Variants in C6 observed in about 807,000 individuals in gnomAD.
C6 encodes complement C6, also known as complement component C6.
In C6, 101 loss-of-function variants were observed where a neutral mutation model predicts 112.9. The observed-to-expected ratio is 0.89, with a 90% CI of 0.76 to 1.06. The LOEUF (loss-of-function observed/expected upper bound fraction) is 1.06, where lower values mean the gene tolerates loss of function less well. C6 is among the 50% of genes least tolerant of loss of function. The probability of loss-of-function intolerance (pLI) is 0.00; values close to 1 mark genes in which losing one functional copy is unlikely to be tolerated. For missense variants in C6, 1,202 were observed against 1,104.6 expected, an observed-to-expected ratio of 1.09 and a Z score of -1.25; for synonymous variants, 431 against 384.1, an observed-to-expected ratio of 1.12 and a Z score of -1.43.
chr5:41,185,668 TA>T (rs563705340), intron 6 of C6, among the ~76,000 whole-genome samples: 34 of 151,412 alleles, frequency 2.2e-4, no homozygotes, highest in Non-Finnish European at 4.3e-4. Flanking sequence ...CCTGGCACTT[TA>T]AAAAAAAAGT....
chr5:41,228,589 T>C (rs1224907803), intron 1 of C6, among the ~76,000 whole-genome samples: 1 of 152,184 alleles, frequency 6.6e-6, no homozygotes, highest in Non-Finnish European at 1.5e-5. Flanking sequence ...TAGCTGTGGG[T>C]TTGTCACATA....
At chr5:41,227,801 G>T (rs1164397031) in intron 1 of C6, among the ~76,000 whole-genome samples, 1 of 152,022 alleles carries the variant, frequency 6.6e-6, no homozygotes, top group Non-Finnish European at 1.5e-5. Context: ...TTATTTCTAG[G>T]TTCTCTATTT....
At chr5:41,243,418 A>G (rs908762594) in intron 1 of C6, among the ~76,000 whole-genome samples, 6 of 152,178 alleles carry the variant, frequency 3.9e-5, no homozygotes, top group Non-Finnish European at 7.4e-5. Flanking sequence ...GTGATTTGTT[A>G]TGTTAAAAAA....
chr5:41,151,939 G>A (rs190809392), intron 15 of C6, among the ~76,000 whole-genome samples: 13 of 152,010 alleles, frequency 8.6e-5, no homozygotes, highest in African/African-American at 3.1e-4. Flanking sequence ...AGAATCAGTG[G>A]AGAAATGCAG....
chr5:41,175,014 A>G (rs965300473), intron 8 of C6, among the ~76,000 whole-genome samples: 1 of 152,204 alleles, frequency 6.6e-6, no homozygotes, highest in Non-Finnish European at 1.5e-5. Flanking sequence ...CTTATTGAAT[A>G]CAAGAATATC....
chr5:41,248,084 A>G (rs1188469022), intron 1 of C6, among the ~76,000 whole-genome samples: 2 of 152,236 alleles, frequency 1.3e-5, no homozygotes, highest in Admixed American at 6.5e-5. Flanking sequence ...AGGACTCCCT[A>G]TTCAATAAAT....
chr5:41,196,927 GC>G lies in C6; in HGVS notation c.446-995del, dbSNP rs370068520. Among the ~76,000 whole-genome samples the G allele has an allele frequency of 3.3e-5, 5 of 151,964 alleles. 1 individual carries two copies. Among genetic ancestry groups the G allele is most frequent in the Admixed American group, 2.0e-4 (3 of 15,230 alleles). The stretch of plus-strand genomic sequence containing the variant: ...TGCAATGACAGATATCTCCTCTCCT[GC>G]CTTTTACCTTCTTGCCTGTAGTCAA... On this transcript the variant is annotated intron_variant, in intron 4 of 17. Transcript: ENST00000337836.
At chr5:41,158,191 G>A (rs1448663067) in intron 13 of C6, among the ~76,000 whole-genome samples, 1 of 151,752 alleles carries the variant, frequency 6.6e-6, no homozygotes, top group Non-Finnish European at 1.5e-5. Flanking sequence ...ACATGTTGTG[G>A]CTTGGTAAAA....
At chr5:41,200,891 G>GTTGTT (rs1447605950) in intron 3 of C6, among the ~76,000 whole-genome samples, 4 of 70,654 alleles carry the variant, frequency 5.7e-5, no homozygotes, top group African/African-American at 1.9e-4. Context: ...TGTTGTTGTT[G>GTTGTT]TTTTTTTTTT....
intron 1 of C6, among the ~76,000 whole-genome samples, chr5:41,220,205 G>A (rs573565743): frequency 1.3e-5 from 2 of 152,268 alleles, no homozygotes; most frequent in South Asian, 2.1e-4. Flanking sequence ...TGGCCATTTA[G>A]CTGTGTTTAT....
At chr5:41,210,142 G>T (rs1435081515) in intron 1 of C6, among the ~76,000 whole-genome samples, 1 of 152,204 alleles carries the variant, frequency 6.6e-6, no homozygotes. Context: ...AATAAATGGT[G>T]TTGGGAAAAC....
chr5:41,185,586 A>C (rs918412855), intron 6 of C6, among the ~76,000 whole-genome samples: 1 of 152,176 alleles, frequency 6.6e-6, no homozygotes, highest in Non-Finnish European at 1.5e-5. Context: ...AAACCAAACC[A>C]ACTAATAAAA....
chr5:41,238,347 A>G (rs1490546514), intron 1 of C6, among the ~76,000 whole-genome samples: 1 of 151,058 alleles, frequency 6.6e-6, no homozygotes, highest in East Asian at 2.0e-4. Flanking sequence ...GGCTACAGTA[A>G]CCAAAACAGC....
At chr5:41,261,250 G>T in exon 1 of C6, 1 of 977,858 alleles carries the variant, frequency 1.0e-6, no homozygotes, top group Middle Eastern at 5.3e-4. Context: ...CAAAATCCAA[G>T]TCCAGAGTAA....
chr5:41,165,634 C>G (rs1476800463), intron 9 of C6, among the ~76,000 whole-genome samples: 1 of 151,998 alleles, frequency 6.6e-6, no homozygotes, highest in Non-Finnish European at 1.5e-5. Context: ...TATGTCTTTA[C>G]TACATGTCAC....
chr5:41,251,553 A>G (rs908938296), intron 1 of C6, among the ~76,000 whole-genome samples: 1 of 152,226 alleles, frequency 6.6e-6, no homozygotes, highest in Non-Finnish European at 1.5e-5. Context: ...TTGCCCTAGA[A>G]GAAAAGTTTG....
chr5:41,228,601 G>A lies in C6; in HGVS notation c.-20-25351C>T, dbSNP rs896840022. On this transcript the variant is annotated intron_variant, in intron 1 of 17. Transcript: ENST00000263413. ...TTTTAGCTGTGGGTTTGTCACATATGGTCTTTACTGTGTTGAGGTACATTC... is the reference window on the plus strand; with the variant it reads ...TTTTAGCTGTGGGTTTGTCACATATAGTCTTTACTGTGTTGAGGTACATTC... 3.3e-5 allele frequency among the ~76,000 whole-genome samples: 5 copies of A among 152,028 alleles called. No homozygotes were observed. The South Asian group carries it at 1.0e-3, about 32-fold the overall frequency.
intron 9 of C6, among the ~76,000 whole-genome samples, chr5:41,171,904 T>C (rs1264101370): frequency 6.6e-6 from 1 of 152,206 alleles, no homozygotes; most frequent in Non-Finnish European, 1.5e-5. Flanking sequence ...GATGTTTATA[T>C]GTTTCTTTAC....
intron 11 of C6, chr5:41,159,486 CATT>C (rs1259582693): frequency 1.0e-6 from 1 of 984,896 alleles, no homozygotes; most frequent in African/African-American, 1.7e-5. Flanking sequence ...AAATGGCAAT[CATT>C]ATGAATTATT....
Sources: allele counts gnomAD v4.1 joint callset (sites outside exome capture counted in the v4.1 genomes callset), GRCh38; gene constraint gnomAD v4.1.1; transcripts MANE v1.5; gene names NCBI Gene and HGNC (gene_info 2026-07-23, HGNC 2026-07-21).